Variants in ADA observed in about 807,000 individuals in gnomAD.
ADA encodes the protein adenosine deaminase, also known as adenosine aminohydrolase.
In ADA, 45 loss-of-function variants were observed where a neutral mutation model predicts 49.0. The ratio of observed to expected loss-of-function variants is 0.92; its 90% confidence interval spans 0.72 to 1.18. ADA has a LOEUF of 1.18. Ranked by LOEUF, ADA falls within the 50% of genes most tolerant of loss-of-function variation. The pLI, the probability that ADA is intolerant of heterozygous loss-of-function variation, is 0.00. For synonymous variants in ADA, 173 were observed against 184.2 expected (o/e 0.94, Z 0.49); for missense variants, 445 against 472.5 (o/e 0.94, Z 0.54).
rs2065326260 is a variant in ADA, at chr20:44,621,039, A to G, written c.954T>C (p.Thr318=). The change falls in exon 10 of 12, where the codon ACT becomes ACC. Residue 318 remains threonine, a synonymous_variant. Transcript: ENST00000372874. ...TCACCAGCCTTTTAAACTCCTCTTC[A>G]GTAAAGCCCATGTCCCGTTTGGTCA... ...YQMTKRDMGF[T]EEEFKRLNIN... is the part of the protein sequence containing the mutation. The G allele has an allele frequency of 6.2e-7, 1 of 1,614,122 alleles. No individual in the cohort carries two copies. Among genetic ancestry groups the G allele is most frequent in the Non-Finnish European group, 8.5e-7 (1 of 1,180,028 alleles).
intron 10 of ADA, 159 bp downstream of exon 10, chr20:44,620,859 A>G: frequency 9.8e-7 from 1 of 1,021,974 alleles, no homozygotes; most frequent in Non-Finnish European, 1.5e-6. Context: ...ACGTCAACAC[A>G]AAGATGTCTT....
At chr20:44,638,773 G>A (rs918952939) in intron 1 of ADA, among the ~76,000 whole-genome samples, 13 of 152,218 alleles carry the variant, frequency 8.5e-5, no homozygotes, top group African/African-American at 1.9e-4. Context: ...TGGGAAGTAC[G>A]AACACAGTCC....
intron 2 of ADA, among the ~76,000 whole-genome samples, chr20:44,630,874 C>T (rs767525388): frequency 3.9e-5 from 6 of 151,990 alleles, no homozygotes; most frequent in African/African-American, 1.2e-4. Flanking sequence ...ATTCACCAGG[C>T]GTGGTGGCGT....
rs1042360 is a variant in ADA, at chr20:44,624,295, C to G, written c.513G>C (p.Lys171Asn). 3.1e-6 allele frequency: 5 copies of G among 1,613,994 alleles called. No homozygotes were observed. The highest frequency in any genetic ancestry group is 4.2e-6 in the Non-Finnish European group (5 of 1,179,954). The change falls in exon 6 of 12, where the codon AAG becomes AAC. Residue 171 changes from lysine to asparagine, a missense_variant. Lys to Asn is a moderately conservative substitution (Grantham distance 94). Transcript: ENST00000372874. ...WSPKVVELCKKYQQQTVVAID... is the reference protein window; with the variant it reads ...WSPKVVELCKNYQQQTVVAID... ...TGGCTACCACGGTCTGCTGCTGGTA[C>G]TTCTTACACAGCTCCACCACCTTGG...
chr20:44,647,471 C>G (rs927187170), intron 1 of ADA, among the ~76,000 whole-genome samples: 1 of 152,080 alleles, frequency 6.6e-6, no homozygotes, highest in African/African-American at 2.4e-5. Flanking sequence ...GCTGTCCCAG[C>G]CTGTACCTGT....
At chr20:44,641,885 A>C (rs1326039329) in intron 1 of ADA, among the ~76,000 whole-genome samples, 1 of 151,388 alleles carries the variant, frequency 6.6e-6, no homozygotes, top group Non-Finnish European at 1.5e-5. Flanking sequence ...CTCGTGCCTC[A>C]GCCTCCCAAG....
At chr20:44,648,698 T>C (rs1055894057) in intron 1 of ADA, among the ~76,000 whole-genome samples, 5 of 152,012 alleles carry the variant, frequency 3.3e-5, no homozygotes, top group African/African-American at 1.2e-4. Flanking sequence ...CCTGGTGCTA[T>C]ATCCATTGGA....
chr20:44,624,157 A>G (rs1425326426), intron 6 of ADA, 45 bp downstream of exon 6: 3 of 1,570,892 alleles, frequency 1.9e-6, no homozygotes, highest in East Asian at 2.4e-5. Flanking sequence ...GTGGGAGACA[A>G]GCTCACCCAG....
At chr20:44,636,589 C>A (rs747020958) in intron 1 of ADA, among the ~76,000 whole-genome samples, 1 of 152,144 alleles carries the variant, frequency 6.6e-6, no homozygotes, top group South Asian at 2.1e-4. Context: ...GTAATAGAGG[C>A]AGGAGCCCAA....
At chr20:44,648,389 C>T (rs548831716) in intron 1 of ADA, among the ~76,000 whole-genome samples, 2 of 152,222 alleles carry the variant, frequency 1.3e-5, no homozygotes, top group Non-Finnish European at 2.9e-5. Context: ...GAGTGGCCAA[C>T]CTGGAGATCC....
intron 2 of ADA, among the ~76,000 whole-genome samples, chr20:44,634,223 G>T (rs2065459546): frequency 1.3e-5 from 2 of 152,248 alleles, no homozygotes; most frequent in Non-Finnish European, 2.9e-5. Flanking sequence ...ACCTCATTAG[G>T]GGCCTTGTGG....
chr20:44,642,076 G>A (rs2065541137), intron 1 of ADA, among the ~76,000 whole-genome samples: 1 of 152,140 alleles, frequency 6.6e-6, no homozygotes, highest in Non-Finnish European at 1.5e-5. Flanking sequence ...CCTGGCAAAA[G>A]TATTTAAATG....
At chr20:44,624,847 T>C (rs1024916627) in intron 5 of ADA, among the ~76,000 whole-genome samples, 3 of 152,260 alleles carry the variant, frequency 2.0e-5, no homozygotes, top group Non-Finnish European at 4.4e-5. Context: ...TGGAACTAGA[T>C]GTCCCCGGAT....
chr20:44,625,957 T>C (rs753719034), intron 4 of ADA, among the ~76,000 whole-genome samples: 19 of 152,170 alleles, frequency 1.2e-4, no homozygotes, highest in Non-Finnish European at 2.8e-4. Flanking sequence ...TTGCTAAGCT[T>C]GGGCCTGCCA....
intron 6 of ADA, 112 bp downstream of exon 6, chr20:44,624,090 C>A (rs1426552144): frequency 4.1e-6 from 6 of 1,464,908 alleles, no homozygotes; most frequent in Non-Finnish European, 5.6e-6. Flanking sequence ...CAAAGACACA[C>A]TTCAGAACTC....
At chr20:44,623,984 C>G (rs1160795989) in intron 6 of ADA, 1 of 593,706 alleles carries the variant, frequency 1.7e-6, no homozygotes, top group Non-Finnish European at 3.1e-6. Flanking sequence ...TAGGCTCAAG[C>G]AATCCTCCTG....
intron 3 of ADA, 77 bp from the exon 4 acceptor site, chr20:44,626,676 A>G: frequency 1.9e-6 from 3 of 1,580,696 alleles, no homozygotes; most frequent in Non-Finnish European, 2.6e-6. Flanking sequence ...GACATCCCCA[A>G]CCCTTGGCAG....
At chr20:44,639,234 T>C (rs1234234515) in intron 1 of ADA, among the ~76,000 whole-genome samples, 1 of 151,878 alleles carries the variant, frequency 6.6e-6, no homozygotes, top group Non-Finnish European at 1.5e-5. Context: ...AACAGGTGGA[T>C]AGAAAGAGAT....
At chr20:44,631,325 C>T (rs926328422) in intron 2 of ADA, among the ~76,000 whole-genome samples, 4 of 152,096 alleles carry the variant, frequency 2.6e-5, no homozygotes, top group Non-Finnish European at 2.9e-5. Flanking sequence ...TGCAGGGGAA[C>T]GGTGCCCTGG....
Sources: gnomAD v4.1 joint callset for allele counts (sites outside exome capture counted in the v4.1 genomes callset) on GRCh38, gnomAD v4.1.1 for gene constraint, MANE v1.5 for transcripts, NCBI Gene and HGNC (gene_info 2026-07-23, HGNC 2026-07-21) for gene names.